The following ARHGAP32 variants were observed in gnomAD, a reference collection of about 807,000 sequenced individuals.
ARHGAP32 encodes rho GTPase-activating protein 32.
Under a neutral mutation model 186.5 loss-of-function variants are expected in ARHGAP32, and 51 were observed. The observed-to-expected ratio is 0.27, with a 90% CI of 0.22 to 0.35. ARHGAP32 has a LOEUF of 0.35. Among genes scored for constraint, ARHGAP32 ranks in the 10% least tolerant of loss-of-function variants. The pLI is 1.00. For missense variants in ARHGAP32, 2,186 were observed against 2,623.5 expected (o/e 0.83, Z 3.64); for synonymous variants, 950 against 964.3 (o/e 0.99, Z 0.27).
chr11:129,269,555 C>T (rs1354340172), intron 1 of ARHGAP32, among the ~76,000 whole-genome samples: 2 of 151,904 alleles, frequency 1.3e-5, no homozygotes, highest in Non-Finnish European at 2.9e-5. Flanking sequence ...AGAGAGACTT[C>T]GTCTCTACAA....
At chr11:129,190,887 A>G (rs912745304) in intron 1 of ARHGAP32, among the ~76,000 whole-genome samples, 12 of 152,220 alleles carry the variant, frequency 7.9e-5, no homozygotes, top group African/African-American at 2.7e-4. Flanking sequence ...GCTAGATAAA[A>G]TTATGGGAAA....
At chr11:129,169,631 C>T (rs1476216332) in intron 1 of ARHGAP32, among the ~76,000 whole-genome samples, 1 of 75,150 alleles carries the variant, frequency 1.3e-5, no homozygotes, top group Non-Finnish European at 2.4e-5. Flanking sequence ...GACTCTGTCT[C>T]AAAAAAAAAA....
chr11:128,998,932 T>A (rs1415463558), intron 11 of ARHGAP32, among the ~76,000 whole-genome samples: 1 of 152,190 alleles, frequency 6.6e-6, no homozygotes, highest in African/African-American at 2.4e-5. Flanking sequence ...AGGATGTATG[T>A]CACCTCAGGA....
intron 10 of ARHGAP32, among the ~76,000 whole-genome samples, chr11:129,047,660 A>T (rs1939869803): frequency 6.6e-6 from 1 of 152,136 alleles, no homozygotes; most frequent in African/African-American, 2.4e-5. Context: ...GAACCAATAC[A>T]AATTCACAGG....
rs561419320 is a variant in ARHGAP32 at position 129,129,047 on chromosome 11, G to A, written c.226-4153C>T. 7.3e-5 allele frequency among the ~76,000 whole-genome samples: 11 copies of A among 151,426 alleles called. No individual in the cohort carries two copies. The East Asian group carries it at 1.4e-3, about 19-fold the overall frequency. ...GAGCGTCTCTGCCTGGCCGCCCATC[G>A]TCTGGGATGTGGGGAGCGCCTCTGC... On this transcript the variant is annotated intron_variant, in intron 2 of 22. Transcript: ENST00000682385.
In ARHGAP32 at chr11:129,041,144, G is replaced by A. The variant is rs1591557201; in HGVS notation, c.964-135C>T. ...TATTATTCCAAGACTCTAAATAACA[G>A]ATGATGCCAATTACACAAACAAATA... On this transcript the variant is annotated intron_variant, in intron 10 of 22. Transcript: ENST00000682385. 14 of 517,724 alleles carry A rather than the reference G, an allele frequency of 2.7e-5. No homozygotes were observed. In the East Asian group the frequency reaches 4.3e-4, roughly 16 times the overall value. 32.1% of individuals were successfully genotyped at this position (517,724 alleles called of 1,614,324 possible).
intron 11 of ARHGAP32, among the ~76,000 whole-genome samples, chr11:129,005,938 T>C (rs962220645): frequency 4.6e-5 from 7 of 152,158 alleles, no homozygotes; most frequent in African/African-American, 1.7e-4. Flanking sequence ...CGTTTTCCTT[T>C]TGTCTCCTTT....
At chr11:129,015,617 CAT>C (rs1472107505) in intron 11 of ARHGAP32, among the ~76,000 whole-genome samples, 2 of 152,154 alleles carry the variant, frequency 1.3e-5, no homozygotes, top group African/African-American at 4.8e-5. Context: ...ACTGTAACGA[CAT>C]GTGTATGTAG....
intron 1 of ARHGAP32, among the ~76,000 whole-genome samples, chr11:129,256,690 A>G (rs1457158302): frequency 6.6e-6 from 1 of 152,212 alleles, no homozygotes; most frequent in Non-Finnish European, 1.5e-5. Context: ...CTGTAAGAAG[A>G]ATCCAAATCT....
intron 18 of ARHGAP32, 32 bp from the exon 19 acceptor site, chr11:128,978,947 ATAG>A (rs778589095): frequency 1.3e-5 from 20 of 1,582,004 alleles, no homozygotes; most frequent in Non-Finnish European, 1.7e-5. Context: ...CAACATTAAG[ATAG>A]CCATGGGTCT....
chr11:129,170,464 G>T (rs1366136560), intron 1 of ARHGAP32, among the ~76,000 whole-genome samples: 1 of 152,100 alleles, frequency 6.6e-6, no homozygotes, highest in Non-Finnish European at 1.5e-5. Flanking sequence ...GCTTGCTGAG[G>T]ATGATGGCTT....
At chr11:129,101,203 G>A (rs1941888395) in intron 5 of ARHGAP32, among the ~76,000 whole-genome samples, 1 of 151,300 alleles carries the variant, frequency 6.6e-6, no homozygotes, top group Admixed American at 6.6e-5. Flanking sequence ...ATAAAAGGGG[G>A]AAAAAAAACA....
chr11:129,222,652 GTCACTGTTCTCAT>G (rs1341494007), intron 1 of ARHGAP32, among the ~76,000 whole-genome samples: 2 of 152,166 alleles, frequency 1.3e-5, no homozygotes, highest in African/African-American at 4.8e-5. Context: ...AAAACCTGTT[GTCACTGTTCTCAT>G]TCACAACCTA....
intron 1 of ARHGAP32, among the ~76,000 whole-genome samples, chr11:129,249,084 C>T (rs985561702): frequency 2.0e-5 from 3 of 151,972 alleles, no homozygotes; most frequent in Non-Finnish European, 1.5e-5. Flanking sequence ...TTCCATAAGA[C>T]AGAGGATACA....
At chr11:129,111,803 A>G (rs1942224283) in intron 5 of ARHGAP32, among the ~76,000 whole-genome samples, 1 of 152,020 alleles carries the variant, frequency 6.6e-6, no homozygotes, top group Non-Finnish European at 1.5e-5. Context: ...TCTGTAGCCC[A>G]TGCTGGAGTG....
At chr11:129,167,122 AAAGAAT>A (rs1450404183) in intron 1 of ARHGAP32, among the ~76,000 whole-genome samples, 1 of 152,222 alleles carries the variant, frequency 6.6e-6, no homozygotes, top group Non-Finnish European at 1.5e-5. Flanking sequence ...GGCAGGAAAT[AAAGAAT>A]AAGAGAAGAA....
intron 6 of ARHGAP32, among the ~76,000 whole-genome samples, chr11:129,069,777 T>C (rs1243826479): frequency 6.6e-6 from 1 of 152,006 alleles, no homozygotes; most frequent in African/African-American, 2.4e-5. Context: ...TATTCCATGG[T>C]ATTAAAGGTG....
intron 1 of ARHGAP32, among the ~76,000 whole-genome samples, chr11:129,236,798 G>A (rs971762116): frequency 4.6e-5 from 7 of 152,166 alleles, no homozygotes; most frequent in South Asian, 4.1e-4. Context: ...GAATAGAAGT[G>A]GTGAAAGTAG....
chr11:129,170,247 G>A (rs755279725), intron 1 of ARHGAP32, among the ~76,000 whole-genome samples: 16 of 149,210 alleles, frequency 1.1e-4, no homozygotes, highest in Non-Finnish European at 1.8e-4. Context: ...TGCAGAATGC[G>A]CAGGTTTGTT....
Sources: gnomAD v4.1 joint callset for allele counts (sites outside exome capture counted in the v4.1 genomes callset) on GRCh38, gnomAD v4.1.1 for gene constraint, MANE v1.5 for transcripts, NCBI Gene and HGNC (gene_info 2026-07-23, HGNC 2026-07-21) for gene names.